Variants in SLC1A1 observed in about 807,000 individuals in gnomAD.
SLC1A1 encodes the protein solute carrier family 1 member 1, also known as excitatory amino acid transporter 3.
In SLC1A1, 43 loss-of-function variants were observed where a neutral mutation model predicts 53.3. That is an observed-to-expected ratio of 0.81 (90% CI 0.63 to 1.04). SLC1A1 has a LOEUF of 1.04. Among genes scored for constraint, SLC1A1 ranks in the 50% least tolerant of loss-of-function variants. The pLI, the probability that SLC1A1 is intolerant of heterozygous loss-of-function variation, is 0.00. For synonymous variants in SLC1A1, 307 were observed against 243.2 expected (o/e 1.26, Z -2.44); for missense variants, 748 against 664.9 (o/e 1.12, Z -1.37).
At chr9:4,494,454 T>C (rs1055894352) in intron 1 of SLC1A1, among the ~76,000 whole-genome samples, 2 of 152,152 alleles carry the variant, frequency 1.3e-5, no homozygotes, top group Non-Finnish European at 2.9e-5. Flanking sequence ...TCTCATAGTA[T>C]GTCTCTTTCT....
chr9:4,529,145 C>G (rs367623401), intron 1 of SLC1A1, among the ~76,000 whole-genome samples: 1 of 152,158 alleles, frequency 6.6e-6, no homozygotes, highest in African/African-American at 2.4e-5. Flanking sequence ...CAGCCACTTA[C>G]AGGATTCGCA....
chr9:4,536,471 T>C (rs2130863206), intron 1 of SLC1A1, among the ~76,000 whole-genome samples: 1 of 152,134 alleles, frequency 6.6e-6, no homozygotes, highest in African/African-American at 2.4e-5. Flanking sequence ...ATCAGAGAAA[T>C]GCAAATCAAA....
intron 2 of SLC1A1, chr9:4,554,141 T>G (rs1205547391): frequency 6.6e-6 from 1 of 152,156 alleles, no homozygotes; most frequent in Admixed American, 6.5e-5. Flanking sequence ...GAAGACAGAT[T>G]AAGCCACTTT....
chr9:4,572,455 A>T, intron 7 of SLC1A1, 67 bp downstream of exon 7: 1 of 1,386,180 alleles, frequency 7.2e-7, no homozygotes, highest in South Asian at 1.2e-5. Context: ...AATTAGAAAG[A>T]AGAGGTTTTA....
intron 1 of SLC1A1, among the ~76,000 whole-genome samples, chr9:4,518,385 G>A (rs1177576398): frequency 6.9e-6 from 1 of 144,620 alleles, no homozygotes; most frequent in South Asian, 2.2e-4. Flanking sequence ...TTTTGTTTTT[G>A]AGATAAGGTC....
In SLC1A1 at chr9:4,564,459, G is replaced by A; in HGVS notation, c.440+1G>A. 1.3e-6 allele frequency: 2 copies of A among 1,598,894 alleles called. No homozygotes were observed. Among genetic ancestry groups the A allele is most frequent in the Non-Finnish European group, 1.7e-6 (2 of 1,167,392 alleles). On this transcript the variant is annotated splice_donor_variant, in intron 4 of 11. Coordinates refer to ENST00000262352, the MANE Select transcript of SLC1A1 (RefSeq NM_004170.6). LOFTEE classifies it high-confidence loss of function. ...TGGATGCCATGTTAGATCTCATCAG[G>A]TGAGTGTTTTGCCACAAGGTGGCTT...
intron 1 of SLC1A1, among the ~76,000 whole-genome samples, chr9:4,517,570 C>G (rs1815896948): frequency 6.6e-6 from 1 of 152,160 alleles, no homozygotes; most frequent in South Asian, 2.1e-4. Flanking sequence ...GAACACTGGT[C>G]ACCTTCCCTC....
At chr9:4,546,913 A>C (rs753257664) in intron 2 of SLC1A1, among the ~76,000 whole-genome samples, 1 of 152,256 alleles carries the variant, frequency 6.6e-6, no homozygotes, top group Non-Finnish European at 1.5e-5. Flanking sequence ...GCAATTGCAC[A>C]AGGTGCATAA....
intron 2 of SLC1A1, among the ~76,000 whole-genome samples, chr9:4,557,471 G>C (rs749642057): frequency 6.6e-6 from 1 of 152,078 alleles, no homozygotes. Flanking sequence ...CATTAGCCAC[G>C]TGTGGCTACT....
chr9:4,495,152 C>A (rs1820370600), intron 1 of SLC1A1, among the ~76,000 whole-genome samples: 1 of 152,202 alleles, frequency 6.6e-6, no homozygotes. Flanking sequence ...TGAGACGTGG[C>A]ATAGGCTTTC....
At chr9:4,570,605 A>G (rs10123230) in intron 6 of SLC1A1, among the ~76,000 whole-genome samples, 57,453 of 151,872 alleles carry the variant, frequency 0.38, 11,435 homozygotes, top group Middle Eastern at 0.52. Context: ...TCCTAACATC[A>G]GGTGATCCAC....
At chr9:4,538,596 A>G (rs1170839224) in intron 1 of SLC1A1, among the ~76,000 whole-genome samples, 1 of 152,238 alleles carries the variant, frequency 6.6e-6, no homozygotes, top group East Asian at 1.9e-4. Flanking sequence ...TTTGTGGATG[A>G]ATTTTTGCAT....
chr9:4,541,078 C>T (rs1255312816), intron 1 of SLC1A1, among the ~76,000 whole-genome samples: 1 of 152,168 alleles, frequency 6.6e-6, no homozygotes, highest in African/African-American at 2.4e-5. Context: ...GTCCTGTGTC[C>T]ATTGCTGGGG....
intron 1 of SLC1A1, among the ~76,000 whole-genome samples, chr9:4,518,762 C>T (rs1217980368): frequency 1.3e-5 from 2 of 152,206 alleles, no homozygotes; most frequent in African/African-American, 4.8e-5. Context: ...GCACTGATGG[C>T]TCCACTCCCT....
intron 2 of SLC1A1, among the ~76,000 whole-genome samples, chr9:4,558,890 G>C (rs1008594236): frequency 1.3e-5 from 2 of 152,162 alleles, no homozygotes; most frequent in Non-Finnish European, 2.9e-5. Context: ...CTTGGAGTCT[G>C]TTAAGGTGGT....
intron 1 of SLC1A1, among the ~76,000 whole-genome samples, chr9:4,504,436 A>G (rs1820732776): frequency 6.6e-6 from 1 of 152,232 alleles, no homozygotes; most frequent in African/African-American, 2.4e-5. Context: ...GAGACTTTGA[A>G]CAACTGCGTG....
chr9:4,507,934 T>C (rs993886111), intron 1 of SLC1A1, among the ~76,000 whole-genome samples: 4 of 152,122 alleles, frequency 2.6e-5, no homozygotes, highest in South Asian at 2.1e-4. Context: ...CATGTGAAAC[T>C]GGCTATTGTA....
intron 1 of SLC1A1, among the ~76,000 whole-genome samples, chr9:4,500,409 A>G (rs888203971): frequency 3.9e-5 from 6 of 152,080 alleles, no homozygotes; most frequent in Non-Finnish European, 8.8e-5. Flanking sequence ...CCAGGTTCAA[A>G]CAATTCTCCT....
intron 2 of SLC1A1, among the ~76,000 whole-genome samples, chr9:4,557,412 G>C (rs928220130): frequency 1.3e-5 from 2 of 152,204 alleles, no homozygotes; most frequent in African/African-American, 2.4e-5. Context: ...CCCACTAAAT[G>C]CTAAACACTG....
Sources: allele counts gnomAD v4.1 joint callset (sites outside exome capture counted in the v4.1 genomes callset), GRCh38; gene constraint gnomAD v4.1.1; transcripts MANE v1.5; gene names NCBI Gene and HGNC (gene_info 2026-07-23, HGNC 2026-07-21).